The following SBF2 variants were observed in gnomAD, a reference collection of about 807,000 sequenced individuals.
SBF2 encodes the protein myotubularin-related protein 13.
SBF2 carries 112 observed loss-of-function variants against 225.2 expected under a neutral mutation model. The observed-to-expected ratio is 0.50, with a 90% CI of 0.43 to 0.58. The LOEUF is 0.58. Among genes scored for constraint, SBF2 ranks in the 20% least tolerant of loss-of-function variants. The pLI is 0.00. For missense variants in SBF2, 1,996 were observed against 2,206.2 expected (o/e 0.90, Z 1.91); for synonymous variants, 763 against 773.3 (o/e 0.99, Z 0.22).
At chr11:9,909,852 C>G (rs1384140003) in intron 16 of SBF2, among the ~76,000 whole-genome samples, 2 of 152,096 alleles carry the variant, frequency 1.3e-5, no homozygotes, top group Admixed American at 6.6e-5. Flanking sequence ...AGGCCTAGGA[C>G]TTCCCATCAA....
chr11:10,061,286 C>A (rs1354487342), intron 2 of SBF2, among the ~76,000 whole-genome samples: 3 of 152,164 alleles, frequency 2.0e-5, no homozygotes, highest in Admixed American at 6.5e-5. Flanking sequence ...CCCTTGAAAA[C>A]TGGCACAAGA....
At chr11:10,166,990 A>ACAC (rs1282714502) in intron 2 of SBF2, among the ~76,000 whole-genome samples, 3,165 of 146,054 alleles carry the variant, frequency 0.022, 88 homozygotes, top group African/African-American at 0.065. Context: ...CACACACACA[A>ACAC]AAAGGCTACT....
chr11:10,162,977 A>G (rs1023791662), intron 2 of SBF2, among the ~76,000 whole-genome samples: 29 of 149,516 alleles, frequency 1.9e-4, no homozygotes, highest in African/African-American at 7.0e-4. Flanking sequence ...AAGCATGCAA[A>G]TTGCTTCCTA....
chr11:9,995,188 G>T (rs1298964660), intron 9 of SBF2, among the ~76,000 whole-genome samples: 1 of 152,086 alleles, frequency 6.6e-6, no homozygotes, highest in Non-Finnish European at 1.5e-5. Flanking sequence ...TTCAACTTAG[G>T]GAAGACTAAA....
intron 1 of SBF2, among the ~76,000 whole-genome samples, chr11:10,286,560 A>G (rs1288621645): frequency 6.6e-6 from 1 of 152,036 alleles, no homozygotes; most frequent in Non-Finnish European, 1.5e-5. Flanking sequence ...GGGTTTCACC[A>G]TGTTGGCCAG....
At chr11:9,780,697 T>C (rs369976010) in intron 39 of SBF2, 181 bp from the exon 40 acceptor site, 9 of 643,706 alleles carry the variant, frequency 1.4e-5, no homozygotes, top group African/African-American at 5.4e-5. Flanking sequence ...TCTAGAGTCA[T>C]AGGGGATGTT....
chr11:10,294,186 G>C lies in SBF2; in HGVS notation c.-117C>G. 1 of 777,648 alleles carries C rather than the reference G, an allele frequency of 1.3e-6. No homozygotes were observed. Among genetic ancestry groups the C allele is most frequent in the Non-Finnish European group, 1.7e-6 (1 of 571,736 alleles). The allele number at this position is 777,648 out of a possible 1,614,324, so 48.2% of individuals were successfully genotyped here. On this transcript the variant is annotated 5_prime_UTR_variant, in exon 1 of 40. Coordinates refer to ENST00000256190, the MANE Select transcript of SBF2 (RefSeq NM_030962.4). ...CAGCGGCAGTAGCGGCAGCGGCAGCGCTTCAGCCATGTTTGACAACCGAGG... is the reference window on the plus strand; with the variant it reads ...CAGCGGCAGTAGCGGCAGCGGCAGCCCTTCAGCCATGTTTGACAACCGAGG...
chr11:10,019,919 C>A (rs2134591384), intron 6 of SBF2, among the ~76,000 whole-genome samples: 1 of 152,220 alleles, frequency 6.6e-6, no homozygotes, highest in East Asian at 1.9e-4. Flanking sequence ...CCTCTGGCAT[C>A]TTTTCATCTT....
Position 10,284,537 on chromosome 11 carries a change from C to T in SBF2, c.55+9478G>A, listed in dbSNP as rs150170922. 1.1e-4 allele frequency among the ~76,000 whole-genome samples: 17 copies of T among 152,172 alleles called. No individual in the cohort carries two copies. The East Asian group carries it at 3.3e-3, about 29-fold the overall frequency. The stretch of plus-strand genomic sequence containing the variant: ...CTTTCTATATAATTCAAATAGCATG[C>T]ATTAACTCTTTTTTCCAGTTTGTAA... On this transcript the variant is annotated intron_variant, in intron 1 of 39. Coordinates refer to ENST00000256190, the MANE Select transcript of SBF2 (RefSeq NM_030962.4).
At chr11:10,287,618 T>C (rs1160874007) in intron 1 of SBF2, among the ~76,000 whole-genome samples, 3 of 152,344 alleles carry the variant, frequency 2.0e-5, no homozygotes, top group East Asian at 1.9e-4. Context: ...CACTAATGTA[T>C]GTATTTGTCA....
intron 13 of SBF2, among the ~76,000 whole-genome samples, chr11:9,969,401 G>T (rs183291007): frequency 3.0e-4 from 45 of 152,208 alleles, no homozygotes; most frequent in African/African-American, 1.1e-3. Context: ...TAACCGTTCT[G>T]TTCATTCCAA....
chr11:9,958,985 T>C, intron 16 of SBF2: 1 of 843,942 alleles, frequency 1.2e-6, no homozygotes, highest in East Asian at 2.4e-5. Flanking sequence ...TTGCTTAGTT[T>C]CTTGATGGCC....
At chr11:9,972,244 G>A (rs1185313755) in intron 13 of SBF2, among the ~76,000 whole-genome samples, 2 of 151,966 alleles carry the variant, frequency 1.3e-5, no homozygotes, top group Non-Finnish European at 2.9e-5. Context: ...TTACAGTAAA[G>A]CTGTTAGAAC....
chr11:9,843,600 T>C (rs1381213666), intron 24 of SBF2, among the ~76,000 whole-genome samples: 1 of 152,218 alleles, frequency 6.6e-6, no homozygotes, highest in Middle Eastern at 3.2e-3. Context: ...CACAAAGAAC[T>C]CTTCTGGTGT....
At chr11:10,296,522 T>G (rs924617480), upstream of SBF2, among the ~76,000 whole-genome samples, 2 of 152,100 alleles carry the variant, frequency 1.3e-5, no homozygotes, top group African/African-American at 4.8e-5. Context: ...TTCCACCGGA[T>G]CCCTCCCATG....
At chr11:10,258,081 T>TACACACACACACACACACACACAC (rs57653852) in intron 1 of SBF2, among the ~76,000 whole-genome samples, 4 of 138,938 alleles carry the variant, frequency 2.9e-5, no homozygotes, top group African/African-American at 8.1e-5. Context: ...TACACACACA[T>TACACACACACACACACACACACAC]ACACACACAC....
In SBF2 at chr11:9,970,367, G is replaced by C. The variant is rs925340546; in HGVS notation, c.1396-1822C>G. 2.0e-5 allele frequency among the ~76,000 whole-genome samples: 3 copies of C among 151,904 alleles called. No individual in the cohort carries two copies. In the South Asian group the frequency reaches 6.3e-4, roughly 32 times the overall value. ...GACAACAGGGCCCACCACCACGCCC[G>C]GCTAATTTTTTGTATTTTTAGTAGA... On this transcript the variant is annotated intron_variant, in intron 13 of 39. Transcript: ENST00000256190.
rs371016961 is a variant in SBF2, at chr11:10,203,747, T to C, written c.56-9760A>G. Among the ~76,000 whole-genome samples the C allele has an allele frequency of 3.9e-5, 6 of 152,166 alleles. No homozygotes were observed. The East Asian group carries it at 5.8e-4, about 15-fold the overall frequency. On this transcript the variant is annotated intron_variant, in intron 1 of 39. Coordinates refer to ENST00000256190, the MANE Select transcript of SBF2 (RefSeq NM_030962.4). Reference sequence around the variant, plus strand: ...CAGTAATATAAATGTAAAAAATATATTGGATATAGCTAATGAATTAGACAC... The same window carrying C: ...CAGTAATATAAATGTAAAAAATATACTGGATATAGCTAATGAATTAGACAC...
chr11:9,864,577 G>C (rs1747251388), intron 17 of SBF2, among the ~76,000 whole-genome samples: 1 of 151,890 alleles, frequency 6.6e-6, no homozygotes, highest in African/African-American at 2.4e-5. Context: ...TGTAGAGATG[G>C]GGCCTCACTT....
Sources: allele counts gnomAD v4.1 joint callset (sites outside exome capture counted in the v4.1 genomes callset), GRCh38; gene constraint gnomAD v4.1.1; transcripts MANE v1.5; gene names NCBI Gene and HGNC (gene_info 2026-07-23, HGNC 2026-07-21).